Variants in AAK1 observed in about 807,000 individuals in gnomAD.
AAK1 encodes the protein AP2-associated protein kinase 1.
In AAK1, 37 loss-of-function variants were observed where a neutral mutation model predicts 116.0. The observed-to-expected ratio is 0.32, with a 90% CI of 0.25 to 0.42. The LOEUF is 0.42. Ranked by LOEUF, AAK1 falls within the 10% of genes least tolerant of loss-of-function variation. The pLI, the probability that AAK1 is intolerant of heterozygous loss-of-function variation, is 1.00. For synonymous variants in AAK1, 458 were observed against 439.9 expected, an observed-to-expected ratio of 1.04 and a Z score of -0.51; for missense variants, 919 against 1,170.6, an observed-to-expected ratio of 0.79 and a Z score of 3.14.
chr2:69,531,990 A>G (rs1670279006), intron 6 of AAK1, 51 bp downstream of exon 6: 1 of 1,605,424 alleles, frequency 6.2e-7, no homozygotes. Context: ...CTGAAGGTAA[A>G]GTTGCTCATC....
chr2:69,514,498 T>C lies in AAK1; in HGVS notation c.1749A>G (p.Pro583=). 6.5e-7 allele frequency: 1 copy of C among 1,549,434 alleles called. No homozygotes were observed. The highest frequency in any genetic ancestry group is 8.7e-7 in the Non-Finnish European group (1 of 1,145,818). ...CTGGCTCCTGGGCAGGGGCTGGCTG[T>C]GGGGCTGCAGCTGGCTGTGGCTGGG... The part of the protein sequence containing the change: ...QQPQPQPAAA[P]QPAPAQEPAI... The change falls in exon 13 of 22, where the codon CCA becomes CCG. Residue 583 remains proline (P), a synonymous_variant. Coordinates refer to ENST00000409085, the MANE Select transcript of AAK1 (RefSeq NM_014911.5).
At chr2:69,568,726 C>G (rs561930727) in intron 2 of AAK1, among the ~76,000 whole-genome samples, 1 of 152,318 alleles carries the variant, frequency 6.6e-6, no homozygotes, top group South Asian at 2.1e-4. Flanking sequence ...TGCCCTGACC[C>G]TCCTATGTTC....
intron 6 of AAK1, among the ~76,000 whole-genome samples, chr2:69,531,018 T>G (rs1037275018): frequency 6.6e-5 from 10 of 152,196 alleles, no homozygotes; most frequent in African/African-American, 2.4e-4. Context: ...AAAATTCTTA[T>G]ACTGATACTA....
rs200888041 is a variant in AAK1 at position 69,559,262 on chromosome 2, T to A, written c.164-2284A>T. On this transcript the variant is annotated intron_variant, in intron 2 of 21. Transcript: ENST00000409085. ...GAGGTCTTATCTATCTCTCTCTCTC[T>A]CACACACACACACACACACACACAC... Among the ~76,000 whole-genome samples, 965 of 127,214 alleles carry A rather than the reference T, an allele frequency of 7.6e-3. 8 individuals are homozygous for A. Among genetic ancestry groups the A allele is most frequent in the African/African-American group, 0.021 (668 of 32,168 alleles). The allele number at this position is 127,214 out of a possible 152,430, so 83.5% of individuals were successfully genotyped here.
At chr2:69,587,471 A>ATT (rs1263629250) in intron 2 of AAK1, among the ~76,000 whole-genome samples, 2 of 144,598 alleles carry the variant, frequency 1.4e-5, no homozygotes, top group Admixed American at 1.4e-4. Context: ...GTATATATAT[A>ATT]TATATATTTT....
At chr2:69,560,984 C>T (rs966932727) in intron 2 of AAK1, among the ~76,000 whole-genome samples, 3 of 150,248 alleles carry the variant, frequency 2.0e-5, no homozygotes, top group African/African-American at 7.4e-5. Context: ...ATCATTGTTG[C>T]CATGTGGGAA....
chr2:69,514,592 T>C lies in AAK1; in HGVS notation c.1655A>G (p.His552Arg), dbSNP rs372034201. The change falls in exon 13 of 22, where the codon CAT (histidine) becomes CGT (arginine). Residue 552 changes from histidine to arginine, a missense_variant. Physicochemically the swap from His to Arg is conservative, Grantham distance 29. Coordinates refer to ENST00000409085, the MANE Select transcript of AAK1 (RefSeq NM_014911.5). ...QQQQQLATAL[H>R]QQQLMTQQAA... ...CTGCTGAGTCATCAGCTGTTGTTGA[T>C]GCAGGGCTGTGGCCAGCTGTTGCTG... 3 of 1,585,676 alleles carry C rather than the reference T, an allele frequency of 1.9e-6. No individual in the cohort carries two copies. Among genetic ancestry groups the C allele is most frequent in the Admixed American group, 1.8e-5 (1 of 54,498 alleles).
At chr2:69,553,436 T>TG in intron 3 of AAK1, among the ~76,000 whole-genome samples, 13 of 131,930 alleles carry the variant, frequency 9.9e-5, no homozygotes, top group African/African-American at 3.7e-4. Flanking sequence ...AATTGAAAGT[T>TG]GTTTTTTTTT....
At chr2:69,594,629 CCAAA>C (rs774246454) in intron 2 of AAK1, 6 of 523,778 alleles carry the variant, frequency 1.1e-5, no homozygotes, top group South Asian at 2.1e-5. Flanking sequence ...GCCTCTTGTA[CCAAA>C]CAGTTAGCCA....
chr2:69,520,859 A>AGTG lies in AAK1; in HGVS notation c.1182_1184dup (p.Thr395dup). The AGTG allele has an allele frequency of 6.3e-7, 1 of 1,581,502 alleles. No individual in the cohort carries two copies. Among genetic ancestry groups the AGTG allele is most frequent in the Non-Finnish European group, 8.6e-7 (1 of 1,166,654 alleles). ...CTGCAGCCTGAGGTGGGGGCTGAAC[A>AGTG]GTGGCCCTCTTCCGGGGTGTCAGCG... On this transcript the variant is annotated inframe_insertion, in exon 11 of 22. Transcript: ENST00000409085.
At chr2:69,612,254 TA>T (rs1464136281) in intron 2 of AAK1, among the ~76,000 whole-genome samples, 6 of 152,306 alleles carry the variant, frequency 3.9e-5, no homozygotes, top group Admixed American at 1.3e-4. Context: ...AACTGTATAC[TA>T]AAAAAGGATT....
At chr2:69,537,941 C>T (rs1227030351) in intron 5 of AAK1, among the ~76,000 whole-genome samples, 3 of 152,224 alleles carry the variant, frequency 2.0e-5, no homozygotes, top group Non-Finnish European at 4.4e-5. Context: ...GAGAAAGAGT[C>T]TCCTGAACCA....
chr2:69,501,344 C>T lies in AAK1; in HGVS notation c.2269+4225G>A, dbSNP rs181254299. Among the ~76,000 whole-genome samples, 986 of 151,720 alleles carry T rather than the reference C, an allele frequency of 6.5e-3. 3 individuals carry two copies. The highest frequency in any genetic ancestry group is 0.011 in the Non-Finnish European group (726 of 67,938). Reference sequence around the variant, plus strand: ...CCAAAATAATAATGAGAATATCATACGAATATTTATGAGCTATGGTTAAGC... The same window carrying T: ...CCAAAATAATAATGAGAATATCATATGAATATTTATGAGCTATGGTTAAGC... On this transcript the variant is annotated intron_variant, in intron 16 of 21. Coordinates refer to ENST00000409085, the MANE Select transcript of AAK1 (RefSeq NM_014911.5).
rs902211414 is a variant in AAK1 at position 69,513,255 on chromosome 2, C to T, written c.1776+1216G>A. Among the ~76,000 whole-genome samples the T allele has an allele frequency of 2.4e-4, 36 of 151,912 alleles. 1 individual carries two copies. The highest frequency in any genetic ancestry group is 1.9e-3 in the Admixed American group (29 of 15,268). On this transcript the variant is annotated intron_variant, in intron 13 of 21. Transcript: ENST00000409085. ...TCTACGGCACTGCTTCCTTTCGAAG[C>T]GATGTAGGTTTTCTGGTTTAAGATG... is the stretch of plus-strand genomic sequence containing the variant.
intron 13 of AAK1, among the ~76,000 whole-genome samples, chr2:69,512,633 C>A (rs756302212): frequency 6.6e-6 from 1 of 152,192 alleles, no homozygotes; most frequent in African/African-American, 2.4e-5. Flanking sequence ...CAAGAGTCAG[C>A]GGAGACAAGG....
intron 2 of AAK1, among the ~76,000 whole-genome samples, chr2:69,630,340 TG>T (rs1354946859): frequency 1.2e-4 from 8 of 68,498 alleles, no homozygotes; most frequent in South Asian, 1.2e-3. Flanking sequence ...GGGCGGGGGG[TG>T]GGGGGGGAGG....
Position 69,463,167 on chromosome 2 carries a change from T to C in AAK1, c.*12702A>G, listed in dbSNP as rs1674385069. 6.6e-6 allele frequency: 1 copy of C among 152,230 alleles called. No homozygotes were observed. The highest frequency in any genetic ancestry group is 6.5e-5 in the Admixed American group (1 of 15,282). The allele number at this position is 152,230 out of a possible 1,614,324, so 9.4% of individuals were successfully genotyped here. A position where few individuals can be genotyped will look rare whatever the true frequency, so the allele number is the denominator to read the frequency against. ...TTCAGACTTGATTCTTAGATGAATT[T>C]CCAATAATTTTTAAATCATTGATCT... On this transcript the variant is annotated 3_prime_UTR_variant, in exon 22 of 22. Coordinates refer to ENST00000409085, the MANE Select transcript of AAK1 (RefSeq NM_014911.5).
intron 2 of AAK1, among the ~76,000 whole-genome samples, chr2:69,607,502 G>A (rs1241257892): frequency 1.3e-5 from 2 of 152,088 alleles, no homozygotes; most frequent in East Asian, 3.9e-4. Flanking sequence ...ACTCCCACAA[G>A]CCCCCAAAAT....
intron 9 of AAK1, among the ~76,000 whole-genome samples, 188 bp downstream of exon 9, chr2:69,527,028 A>G (rs551158239): frequency 6.6e-6 from 1 of 152,190 alleles, no homozygotes; most frequent in Non-Finnish European, 1.5e-5. Context: ...CTTCAGTTTT[A>G]TAATTAAATT....
Sources: allele counts gnomAD v4.1 joint callset (sites outside exome capture counted in the v4.1 genomes callset), GRCh38; gene constraint gnomAD v4.1.1; transcripts MANE v1.5; gene names NCBI Gene and HGNC (gene_info 2026-07-23, HGNC 2026-07-21).